B3GALT1: variants seen among roughly 807,000 people sequenced by gnomAD.
The protein encoded by B3GALT1 is beta-1,3-galactosyltransferase 1, also known as UDP-Gal:betaGlcNAc beta 1,3-galactosyltransferase, polypeptide 1.
Under a neutral mutation model 23.2 loss-of-function variants are expected in B3GALT1, and 10 were observed. The ratio of observed to expected loss-of-function variants is 0.43; its 90% CI spans 0.27 to 0.73. The LOEUF (loss-of-function observed/expected upper bound fraction) is 0.73. B3GALT1 is among the 30% of genes least tolerant of loss of function. The pLI is 0.21. For missense variants in B3GALT1, 299 were observed against 405.4 expected (o/e 0.74, Z 2.25); for synonymous variants, 156 against 141.5 (o/e 1.10, Z -0.73).
At chr2:167,573,238 A>G (rs1242238563) in intron 2 of B3GALT1, among the ~76,000 whole-genome samples, 1 of 151,798 alleles carries the variant, frequency 6.6e-6, no homozygotes, top group Non-Finnish European at 1.5e-5. Flanking sequence ...CAATATTTAT[A>G]TTTTACAGAA....
intron 2 of B3GALT1, among the ~76,000 whole-genome samples, chr2:167,535,777 TTACA>T (rs892604179): frequency 3.3e-5 from 5 of 152,180 alleles, no homozygotes; most frequent in African/African-American, 1.2e-4. Flanking sequence ...AAAACTCCTG[TTACA>T]TAGAATACAA....
chr2:167,311,341 T>A (rs939223924), intron 1 of B3GALT1, among the ~76,000 whole-genome samples: 1 of 151,998 alleles, frequency 6.6e-6, no homozygotes, highest in Non-Finnish European at 1.5e-5. Context: ...GGATAAAGAG[T>A]TTGAACTAGG....
chr2:167,625,942 CAT>C (rs10522850), intron 2 of B3GALT1, among the ~76,000 whole-genome samples: 1,240 of 116,966 alleles, frequency 0.011, 16 homozygotes, highest in South Asian at 0.038. Context: ...ATGACTAGGC[CAT>C]ATATATATAT....
intron 2 of B3GALT1, among the ~76,000 whole-genome samples, chr2:167,558,797 C>A (rs1683904864): frequency 6.6e-6 from 1 of 152,236 alleles, no homozygotes; most frequent in South Asian, 2.1e-4. Flanking sequence ...GTAAACAAAG[C>A]AGCCAGGAAG....
At position 167,401,170 on chromosome 2, in the gene B3GALT1, A is replaced by G. The variant is rs564534838; in HGVS notation, c.-510-89007A>G. Among the ~76,000 whole-genome samples, 77 of 152,228 alleles carry G rather than the reference A, an allele frequency of 5.1e-4. 1 individual carries two copies. The Middle Eastern group carries it at 0.031, about 61-fold the overall frequency. On this transcript the variant is annotated intron_variant, in intron 1 of 4. Coordinates refer to ENST00000392690, the MANE Select transcript of B3GALT1 (RefSeq NM_020981.4). ...CAATAGTCACTTTAAATTACCAGAGAGTCTCAATTAAGTAATTAAAATAGT... is the reference window on the plus strand; with the variant it reads ...CAATAGTCACTTTAAATTACCAGAGGGTCTCAATTAAGTAATTAAAATAGT...
At chr2:167,666,599 G>A (rs1389407324) in intron 3 of B3GALT1, among the ~76,000 whole-genome samples, 2 of 151,768 alleles carry the variant, frequency 1.3e-5, no homozygotes, top group African/African-American at 4.8e-5. Flanking sequence ...CTCTTTGTAG[G>A]TCACTCAGGA....
chr2:167,382,935 A>G (rs1697865786), intron 1 of B3GALT1, among the ~76,000 whole-genome samples: 1 of 152,168 alleles, frequency 6.6e-6, no homozygotes, highest in South Asian at 2.1e-4. Flanking sequence ...GAGGATGAAG[A>G]GAAATGTGTT....
chr2:167,544,356 A>G (rs1683589927), intron 2 of B3GALT1, among the ~76,000 whole-genome samples: 1 of 152,090 alleles, frequency 6.6e-6, no homozygotes, highest in South Asian at 2.1e-4. Context: ...GTGCAGTGGC[A>G]TGATCTCGGT....
intron 3 of B3GALT1, among the ~76,000 whole-genome samples, chr2:167,742,069 C>T (rs774579935): frequency 1.3e-5 from 2 of 152,160 alleles, no homozygotes; most frequent in Non-Finnish European, 2.9e-5. Flanking sequence ...GAAGTTTCTA[C>T]TAAAGTAATT....
At chr2:167,679,533 C>T (rs1050420957) in intron 3 of B3GALT1, among the ~76,000 whole-genome samples, 3 of 152,290 alleles carry the variant, frequency 2.0e-5, no homozygotes, top group African/African-American at 7.2e-5. Context: ...GGATTACAGG[C>T]GTGAGCTACT....
intron 1 of B3GALT1, among the ~76,000 whole-genome samples, chr2:167,442,226 G>T (rs186988749): frequency 4.8e-4 from 73 of 150,868 alleles, no homozygotes; most frequent in Non-Finnish European, 8.7e-4. Flanking sequence ...TTTTTATGGC[G>T]CATAGTATTC....
intron 1 of B3GALT1, among the ~76,000 whole-genome samples, chr2:167,402,152 A>G (rs1698202426): frequency 6.6e-6 from 1 of 152,164 alleles, no homozygotes; most frequent in South Asian, 2.1e-4. Context: ...AAATGTTAAA[A>G]TAACTACTAA....
At chr2:167,334,208 A>T (rs1340906510) in intron 1 of B3GALT1, among the ~76,000 whole-genome samples, 2 of 152,214 alleles carry the variant, frequency 1.3e-5, no homozygotes, top group Non-Finnish European at 1.5e-5. Context: ...TTTACTCTGC[A>T]CAAAAGAACT....
At chr2:167,567,907 A>G (rs1401930412) in intron 2 of B3GALT1, among the ~76,000 whole-genome samples, 3 of 152,012 alleles carry the variant, frequency 2.0e-5, no homozygotes, top group Admixed American at 6.6e-5. Context: ...ACTCCCCCTT[A>G]GCCCCAAGCA....
intron 4 of B3GALT1, among the ~76,000 whole-genome samples, chr2:167,825,244 A>T (rs1056810237): frequency 6.8e-6 from 1 of 146,204 alleles, no homozygotes; most frequent in Non-Finnish European, 1.5e-5. Context: ...AGATCGCGCC[A>T]CTGTACTCTA....
intron 1 of B3GALT1, among the ~76,000 whole-genome samples, chr2:167,361,253 G>T (rs951675150): frequency 8.9e-5 from 12 of 134,956 alleles, no homozygotes; most frequent in African/African-American, 3.1e-4. Context: ...TCCAGCAAAC[G>T]TCTTTTAAGA....
chr2:167,465,547 T>G (rs975860308), intron 1 of B3GALT1, among the ~76,000 whole-genome samples: 1 of 152,136 alleles, frequency 6.6e-6, no homozygotes, highest in African/African-American at 2.4e-5. Context: ...CCCTTGCATC[T>G]TGTTAATAAG....
intron 1 of B3GALT1, among the ~76,000 whole-genome samples, chr2:167,401,063 A>T (rs763115090): frequency 3.9e-5 from 6 of 152,086 alleles, no homozygotes; most frequent in Non-Finnish European, 8.8e-5. Flanking sequence ...AGAAATCATC[A>T]TTATTTTTAT....
At chr2:167,841,815 A>G (rs1030995443) in intron 4 of B3GALT1, among the ~76,000 whole-genome samples, 5 of 152,258 alleles carry the variant, frequency 3.3e-5, no homozygotes, top group African/African-American at 9.6e-5. Context: ...CCAAATGAAT[A>G]TTTCAGGGAA....
Sources: allele counts gnomAD v4.1 joint callset (sites outside exome capture counted in the v4.1 genomes callset), GRCh38; gene constraint gnomAD v4.1.1; transcripts MANE v1.5; gene names NCBI Gene and HGNC (gene_info 2026-07-23, HGNC 2026-07-21).